RMC1: variants seen among roughly 807,000 people sequenced by gnomAD.
The protein encoded by RMC1 is regulator of MON1-CCZ1 complex.
In RMC1, 44 loss-of-function variants were observed where a neutral mutation model predicts 95.5. The observed-to-expected ratio is 0.46, with a 90% confidence interval of 0.36 to 0.59. The LOEUF (loss-of-function observed/expected upper bound fraction) is 0.59, where lower values mean the gene tolerates loss of function less well. RMC1 is among the 20% of genes least tolerant of loss of function. The pLI, the probability that RMC1 is intolerant of heterozygous loss-of-function variation, is 0.00. For synonymous variants in RMC1, 320 were observed against 303.6 expected, an observed-to-expected ratio of 1.05 and a Z score of -0.56; for missense variants, 705 against 819.6, an observed-to-expected ratio of 0.86 and a Z score of 1.71.
chr18:23,525,871 T>C (rs1258586299), intron 12 of RMC1, among the ~76,000 whole-genome samples: 3 of 152,250 alleles, frequency 2.0e-5, no homozygotes, highest in Non-Finnish European at 4.4e-5. Context: ...CTAAGAACTC[T>C]TGAGGAGAGA....
At chr18:23,526,979 G>A (rs894811793) in intron 13 of RMC1, among the ~76,000 whole-genome samples, 1 of 152,134 alleles carries the variant, frequency 6.6e-6, no homozygotes, top group African/African-American at 2.4e-5. Flanking sequence ...TAAATGGGAT[G>A]GTTCTGAATG....
At position 23,530,494 on chromosome 18, in the gene RMC1, T is replaced by C. The variant is rs752809345; in HGVS notation, c.1776T>C (p.Ser592=). The stretch of plus-strand genomic sequence containing the variant: ...GCATTGGTGGCCATGACAACATTTC[T>C]GCACGAAAATTTTTAGATGCTGCAA... The part of the protein sequence containing the change: ...IRGIGGHDNI[S]ARKFLDAAKQ... Residue 592 remains serine (S), a synonymous_variant, in exon 19 of 20, where the codon TCT becomes TCC. Transcript: ENST00000269221. 2 of 1,614,278 alleles carry C rather than the reference T, an allele frequency of 1.2e-6. No homozygotes were observed. The highest frequency in any genetic ancestry group is 2.2e-5 in the South Asian group (2 of 91,090).
intron 5 of RMC1, among the ~76,000 whole-genome samples, chr18:23,513,794 T>G (rs1339368629): frequency 6.6e-6 from 1 of 152,190 alleles, no homozygotes; most frequent in Non-Finnish European, 1.5e-5. Context: ...TGAGCACTTT[T>G]GTGTGTGTGT....
intron 5 of RMC1, among the ~76,000 whole-genome samples, chr18:23,512,597 T>TC (rs1420030807): frequency 6.7e-6 from 1 of 149,872 alleles, no homozygotes; most frequent in Non-Finnish European, 1.5e-5. Context: ...AATTTTTTTT[T>TC]CCTTTTTTTT....
chr18:23,529,220 G>A lies in RMC1; in HGVS notation c.1338G>A (p.Lys446=), dbSNP rs1303401410. 1 of 1,613,906 alleles carries A rather than the reference G, an allele frequency of 6.2e-7. No individual in the cohort carries two copies. The highest frequency in any genetic ancestry group is 1.7e-5 in the Admixed American group (1 of 59,976). Residue 446 remains lysine (K), a synonymous_variant, in exon 15 of 20, where the codon AAG becomes AAA. Transcript: ENST00000269221. ...AGQSRSSPLL[K]RPVRTQAVLD... ...AGAGCCGAAGCAGCCCGCTCCTCAA[G>A]AGGCCGGTGCGGACCCAGGCGGTGC...
intron 19 of RMC1, 101 bp downstream of exon 19, chr18:23,530,713 AACAAC>A (rs2058469116): frequency 8.9e-7 from 1 of 1,128,446 alleles, no homozygotes; most frequent in Admixed American, 2.5e-5. Context: ...CATTTTTGTA[AACAAC>A]ACAATTTGAT....
Position 23,516,441 on chromosome 18 carries a change from A to AG in RMC1, c.653+19dup. ...GCTACCATGTATGTCCGTGTCAGAG[A>AG]GAATTCCATCCTGTGATTGCTTTCA... is the stretch of plus-strand genomic sequence containing the variant. On this transcript the variant is annotated intron_variant, in intron 7 of 19. Transcript: ENST00000269221. 6.2e-7 allele frequency: 1 copy of AG among 1,608,678 alleles called. No homozygotes were observed. The highest frequency in any genetic ancestry group is 8.5e-7 in the Non-Finnish European group (1 of 1,174,960).
At chr18:23,520,150 C>G (rs2058105006) in intron 9 of RMC1, 52 bp from the exon 10 acceptor site, 4 of 1,414,568 alleles carry the variant, frequency 2.8e-6, no homozygotes, top group African/African-American at 1.4e-5. Context: ...ATGAAAGCAA[C>G]TGGGCAAACC....
In RMC1 at chr18:23,503,588, C is replaced by T. The variant is rs2057643869; in HGVS notation, c.-31C>T. On this transcript the variant is annotated 5_prime_UTR_variant, in exon 1 of 20. Coordinates refer to ENST00000269221, the MANE Select transcript of RMC1 (RefSeq NM_013326.5). The stretch of plus-strand genomic sequence containing the variant: ...CCTGCTCCACTCTGGCGACCGCCCC[C>T]GGGGCCCCCGCCGCGGGCGCGGCGC... 4 of 1,523,968 alleles carry T rather than the reference C, an allele frequency of 2.6e-6. No individual in the cohort carries two copies. The highest frequency in any genetic ancestry group is 2.7e-5 in the East Asian group (1 of 36,388). 94.4% of individuals were successfully genotyped at this position (1,523,968 alleles called of 1,614,324 possible).
chr18:23,529,929 T>C lies in RMC1; in HGVS notation c.1495-99T>C, dbSNP rs557267623. The C allele has an allele frequency of 7.3e-5, 88 of 1,210,004 alleles. No individual in the cohort carries two copies. In the South Asian group the frequency reaches 1.1e-3, roughly 16 times the overall value. 75.0% of individuals were successfully genotyped at this position (1,210,004 alleles called of 1,614,324 possible). A position where few individuals can be genotyped will look rare whatever the true frequency, so the allele number is the denominator to read the frequency against. Reference sequence around the variant, plus strand: ...AACCACTTCTTGTAATGACAGACTTTTACTGTGTTGGTTAGAATAGCCAGT... The same window carrying C: ...AACCACTTCTTGTAATGACAGACTTCTACTGTGTTGGTTAGAATAGCCAGT... On this transcript the variant is annotated intron_variant, in intron 16 of 19. Coordinates refer to ENST00000269221, the MANE Select transcript of RMC1 (RefSeq NM_013326.5).
chr18:23,509,546 T>A (rs1162160481), intron 5 of RMC1: 1 of 182,736 alleles, frequency 5.5e-6, no homozygotes, highest in Non-Finnish European at 1.1e-5. Flanking sequence ...ATTTTTCTTT[T>A]TATTATTTTA....
chr18:23,523,514 C>T (rs1481192840), intron 10 of RMC1, among the ~76,000 whole-genome samples: 1 of 128,192 alleles, frequency 7.8e-6, no homozygotes, highest in African/African-American at 3.1e-5. Flanking sequence ...AGTTGGAGAC[C>T]AGCCTAGGTA....
intron 3 of RMC1, 127 bp downstream of exon 3, chr18:23,507,181 T>C (rs1490750738): frequency 1.6e-6 from 1 of 627,222 alleles, no homozygotes; most frequent in Non-Finnish European, 2.8e-6. Context: ...TATAGTTATG[T>C]TGCATTGTAT....
chr18:23,519,245 C>T (rs576407071), intron 9 of RMC1, 71 bp downstream of exon 9: 134 of 1,342,822 alleles, frequency 1.0e-4, no homozygotes, highest in African/African-American at 5.3e-4. Context: ...TGGCTGGGCA[C>T]GGTGGATCAC....
chr18:23,530,337 C>T, intron 18 of RMC1, 40 bp downstream of exon 18: 1 of 1,613,996 alleles, frequency 6.2e-7, no homozygotes, highest in East Asian at 2.2e-5. Flanking sequence ...TGGAAACTAA[C>T]TCTGTTCCTG....
chr18:23,520,217 G>A lies in RMC1; in HGVS notation c.865G>A (p.Asp289Asn), dbSNP rs750535643. ...TCCCCCCCAGACATCGGTAATATTCGATATCAAGTTACGGGGAGAGTTTGA... is the reference window on the plus strand; with the variant it reads ...TCCCCCCCAGACATCGGTAATATTCAATATCAAGTTACGGGGAGAGTTTGA... ...HQDTETSVIF[D>N]IKLRGEFDGS... The change falls in exon 10 of 20, where the codon GAT becomes AAT. Residue 289 changes from aspartate (D) to asparagine (N), a missense_variant. Physicochemically the swap from Asp to Asn is conservative, Grantham distance 23. Coordinates refer to ENST00000269221, the MANE Select transcript of RMC1 (RefSeq NM_013326.5). The A allele has an allele frequency of 1.9e-6, 3 of 1,613,788 alleles. No homozygotes were observed. The highest frequency in any genetic ancestry group is 1.3e-5 in the African/African-American group (1 of 74,858).
chr18:23,510,137 A>G (rs1009262179), intron 5 of RMC1, among the ~76,000 whole-genome samples: 2 of 151,918 alleles, frequency 1.3e-5, no homozygotes, highest in African/African-American at 4.8e-5. Flanking sequence ...AGCCAGGCCA[A>G]CATGATGAAA....
At chr18:23,520,389 T>TCA in intron 10 of RMC1, 76 bp downstream of exon 10, 1 of 1,239,366 alleles carries the variant, frequency 8.1e-7, no homozygotes, top group Non-Finnish European at 1.2e-6. Flanking sequence ...TCTTTGGGAG[T>TCA]CACGTTAAAA....
intron 5 of RMC1, among the ~76,000 whole-genome samples, chr18:23,511,749 A>C (rs2057864040): frequency 6.6e-6 from 1 of 151,972 alleles, no homozygotes; most frequent in African/African-American, 2.4e-5. Flanking sequence ...GCAGTTTAAA[A>C]ATTTTCTTGT....
Sources: allele counts gnomAD v4.1 joint callset (sites outside exome capture counted in the v4.1 genomes callset), GRCh38; gene constraint gnomAD v4.1.1; transcripts MANE v1.5; gene names NCBI Gene and HGNC (gene_info 2026-07-23, HGNC 2026-07-21).